The following APOOL variants were observed in gnomAD, a reference collection of about 807,000 sequenced individuals.
APOOL encodes the protein apolipoprotein O like, also known as MICOS complex subunit MIC27.
In APOOL, 12 loss-of-function variants were observed where a neutral mutation model predicts 23.1. The ratio of observed to expected loss-of-function variants is 0.52; its 90% CI spans 0.33 to 0.84. APOOL has a LOEUF of 0.84. APOOL is among the 40% of genes least tolerant of loss of function. The probability of loss-of-function intolerance (pLI) is 0.02; values close to 1 mark genes in which losing one functional copy is unlikely to be tolerated. For missense variants in APOOL, 212 were observed against 199.6 expected (o/e 1.06, Z -0.37); for synonymous variants, 77 against 69.9 (o/e 1.10, Z -0.51).
intron 1 of APOOL, among the ~76,000 whole-genome samples, chrX:85,023,473 C>T (rs981328240): frequency 1.8e-5 from 2 of 111,301 alleles, no homozygotes; most frequent in African/African-American, 3.3e-5. Context: ...TTAAAATGTC[C>T]GTACTACCCA....
chrX:85,021,253 C>G (rs1196753732), intron 1 of APOOL, among the ~76,000 whole-genome samples: 1 of 110,684 alleles, frequency 9.0e-6, no homozygotes, highest in Non-Finnish European at 1.9e-5. Flanking sequence ...CCAGGCTGGC[C>G]CCAGAACCCA....
rs1481287487 is a variant in APOOL at position 85,093,082 on chromosome X, G to C, written c.*5404G>C. Reference sequence around the variant, plus strand: ...GGTAGAAATTTGAAGTATATGTTGGGGTTATGTTCAAATGGTGAGATTAAT... The same window carrying C: ...GGTAGAAATTTGAAGTATATGTTGGCGTTATGTTCAAATGGTGAGATTAAT... On this transcript the variant is annotated 3_prime_UTR_variant, in exon 9 of 9. Transcript: ENST00000373173. 1.3e-6 allele frequency: 1 copy of C among 785,519 alleles called. No individual in the cohort carries two copies. The highest frequency in any genetic ancestry group is 1.8e-6 in the Non-Finnish European group (1 of 549,181). The allele number at this position is 785,519 out of a possible 1,213,427, so 64.7% of individuals were successfully genotyped here. A position where few individuals can be genotyped will look rare whatever the true frequency, so the allele number is the denominator to read the frequency against.
Position 85,088,144 on chromosome X carries a change from ATGT to A in APOOL, c.*467_*469del, listed in dbSNP as rs1924405292. 3.0e-5 allele frequency: 1 copy of A among 33,349 alleles called. No individual in the cohort carries two copies. Among genetic ancestry groups the A allele is most frequent in the Non-Finnish European group, 4.8e-5 (1 of 20,902 alleles). 2.7% of individuals were successfully genotyped at this position (33,349 alleles called of 1,213,427 possible). On this transcript the variant is annotated 3_prime_UTR_variant, in exon 9 of 9. Coordinates refer to ENST00000373173, the MANE Select transcript of APOOL (RefSeq NM_198450.6). ...TAAATACATACATATTTATACATAT[ATGT>A]ATAAATACATACATATTTATACATA...
intron 1 of APOOL, among the ~76,000 whole-genome samples, chrX:85,024,199 CT>C (rs779330924): frequency 2.8e-4 from 31 of 112,227 alleles, no homozygotes; most frequent in African/African-American, 7.8e-4. Flanking sequence ...ACTGTTGATT[CT>C]GTTGGTAGCT....
At chrX:85,077,092 T>C (rs200631451) in intron 8 of APOOL, among the ~76,000 whole-genome samples, 1,028 of 78,096 alleles carry the variant, frequency 0.013, 8 homozygotes, top group Non-Finnish European at 0.019. Context: ...TATATATATA[T>C]ACACACACAT....
intron 8 of APOOL, among the ~76,000 whole-genome samples, chrX:85,080,866 T>C (rs1924067650): frequency 1.8e-5 from 2 of 111,667 alleles, no homozygotes; most frequent in Non-Finnish European, 3.8e-5. Context: ...TTGTCTCTTT[T>C]GATGTTTGTT....
At position 85,074,011 on chromosome X, in the gene APOOL, AG is replaced by A; in HGVS notation, c.502del (p.Val168TyrfsTer34). On this transcript the variant is annotated frameshift_variant, in exon 7 of 9. Transcript: ENST00000373173. LOFTEE classifies it high-confidence loss of function. ...TGTTTTAATTAGGTAACAGCAAAAA[AG>A]GTATATGCTACAAGCCAGCAAATTT... ...SVIIAKVTAK[K>X]VYATSQQIFG... 1 of 1,150,221 alleles carries A rather than the reference AG, an allele frequency of 8.7e-7. No individual in the cohort carries two copies. Among genetic ancestry groups the A allele is most frequent in the South Asian group, 2.1e-5 (1 of 48,736 alleles). The allele number at this position is 1,150,221 out of a possible 1,213,427, so 94.8% of individuals were successfully genotyped here.
intron 2 of APOOL, among the ~76,000 whole-genome samples, chrX:85,046,806 G>A (rs913333449): frequency 1.1e-4 from 12 of 111,498 alleles, no homozygotes; most frequent in Admixed American, 9.5e-5. Context: ...GGTGTTAGAC[G>A]TTCTAGGCAG....
chrX:85,022,943 T>C (rs1921721588), intron 1 of APOOL, among the ~76,000 whole-genome samples: 1 of 111,761 alleles, frequency 8.9e-6, no homozygotes, highest in Admixed American at 9.5e-5. Flanking sequence ...GTCCTTACTA[T>C]AATGAGTGAG....
At chrX:85,020,346 T>G (rs1921618524) in intron 1 of APOOL, among the ~76,000 whole-genome samples, 1 of 111,582 alleles carries the variant, frequency 9.0e-6, no homozygotes. Flanking sequence ...ACGGTCAGTT[T>G]TACATTGCCT....
Position 85,051,458 on chromosome X carries a change from G to A in APOOL, c.190G>A (p.Gly64Ser), listed in dbSNP as rs745899364. ...AGAGCAGCCTGGTCATTTACAAATG[G>A]GCTTTGCTTCCATCCGCACTGCAAC... is the stretch of plus-strand genomic sequence containing the variant. ...VEEQPGHLQM[G>S]FASIRTATGC... Residue 64 changes from glycine (G) to serine (S), a missense_variant, in exon 3 of 9, where the codon GGC becomes AGC. By Grantham distance (56) the Gly-to-Ser change is moderately conservative. Coordinates refer to ENST00000373173, the MANE Select transcript of APOOL (RefSeq NM_198450.6). 174 of 1,209,011 alleles carry A rather than the reference G, an allele frequency of 1.4e-4. No homozygotes were observed. The South Asian group carries it at 3.0e-3, about 21-fold the overall frequency.
intron 1 of APOOL, among the ~76,000 whole-genome samples, chrX:85,022,468 A>T (rs1253028566): frequency 8.9e-6 from 1 of 112,168 alleles, no homozygotes; most frequent in Admixed American, 9.5e-5. Flanking sequence ...GACATTAACA[A>T]AAGGAAGGAC....
chrX:85,025,451 A>C (rs1921807451), intron 1 of APOOL, among the ~76,000 whole-genome samples: 1 of 112,050 alleles, frequency 8.9e-6, no homozygotes. Context: ...AGTCCCCAAA[A>C]GTCTTAACTC....
chrX:85,061,159 TTC>T (rs1313998196), intron 5 of APOOL, among the ~76,000 whole-genome samples: 1 of 111,728 alleles, frequency 9.0e-6, no homozygotes, highest in Non-Finnish European at 1.9e-5. Flanking sequence ...TTGTCTTTGG[TTC>T]TGTTTGTATG....
intron 8 of APOOL, among the ~76,000 whole-genome samples, chrX:85,086,858 C>A (rs887089830): frequency 4.5e-5 from 4 of 89,027 alleles, no homozygotes; most frequent in African/African-American, 8.5e-5. Context: ...CGCCAACACG[C>A]CCGGCTAATT....
intron 1 of APOOL, among the ~76,000 whole-genome samples, chrX:85,023,836 G>A (rs1047620788): frequency 9.0e-6 from 1 of 111,620 alleles, no homozygotes; most frequent in African/African-American, 3.3e-5. Context: ...ATTTCTATTG[G>A]GTCAAAACTT....
At chrX:85,051,330 C>T (rs545104477) in intron 2 of APOOL, 59 bp from the exon 3 acceptor site, 23 of 1,167,665 alleles carry the variant, frequency 2.0e-5, no homozygotes, top group African/African-American at 2.0e-4. Context: ...TCTGCCATAC[C>T]GCTGTTATGG....
intron 2 of APOOL, 30 bp from the exon 3 acceptor site, chrX:85,051,359 G>T: frequency 8.3e-7 from 1 of 1,205,103 alleles, no homozygotes; most frequent in Non-Finnish European, 1.1e-6. Context: ...GCTATTTTAT[G>T]TTTTTGACAT....
chrX:85,031,766 G>C (rs1021649844), intron 1 of APOOL, among the ~76,000 whole-genome samples: 6 of 112,003 alleles, frequency 5.4e-5, no homozygotes, highest in Non-Finnish European at 7.5e-5. Flanking sequence ...TAGGGCCAGA[G>C]GAAGGCGGTA....
Sources: gnomAD v4.1 joint callset for allele counts (sites outside exome capture counted in the v4.1 genomes callset) on GRCh38, gnomAD v4.1.1 for gene constraint, MANE v1.5 for transcripts, NCBI Gene and HGNC (gene_info 2026-07-23, HGNC 2026-07-21) for gene names.